Variants in MED11 observed in about 807,000 individuals in gnomAD.
MED11 encodes mediator of RNA polymerase II transcription subunit 11.
In MED11, 19 loss-of-function variants were observed where a neutral mutation model predicts 13.9. The ratio of observed to expected loss-of-function variants is 1.36; its 90% CI spans 0.95 to 2.00. The LOEUF is 2.00. Ranked by LOEUF, MED11 falls within the 30% of genes most tolerant of loss-of-function variation. The probability of loss-of-function intolerance (pLI) is 0.00; values close to 1 mark genes in which losing one functional copy is unlikely to be tolerated. For synonymous variants in MED11, 67 were observed against 62.1 expected (o/e 1.08, Z -0.37); for missense variants, 134 against 150.2 (o/e 0.89, Z 0.56).
Position 4,733,141 on chromosome 17 carries a change from A to G in MED11, c.308A>G (p.Lys103Arg). ...ALKRVDYARL[K>R]LSDVARTCEQ... ...AAGCGAGTGGACTATGCCCGCCTCAAGCTCAGTGATGTGGCTCGAACCTGT... is the reference window on the plus strand; with the variant it reads ...AAGCGAGTGGACTATGCCCGCCTCAGGCTCAGTGATGTGGCTCGAACCTGT... The change falls in exon 3 of 3, where the codon AAG becomes AGG. Residue 103 changes from lysine to arginine, a missense_variant. Physicochemically the swap from Lys to Arg is conservative, Grantham distance 26. Transcript: ENST00000293777. 1 of 1,614,206 alleles carries G rather than the reference A, an allele frequency of 6.2e-7. No individual in the cohort carries two copies. The highest frequency in any genetic ancestry group is 8.5e-7 in the Non-Finnish European group (1 of 1,180,030).
intron 1 of MED11, 86 bp downstream of exon 1, chr17:4,731,660 T>TG: frequency 1.2e-6 from 2 of 1,608,184 alleles, no homozygotes; most frequent in Admixed American, 1.7e-5. Flanking sequence ...GGAGCAGGGT[T>TG]GGGGAGGGAA....
Position 4,733,295 on chromosome 17 carries a change from T to C in MED11, c.*108T>C. On this transcript the variant is annotated 3_prime_UTR_variant, in exon 3 of 3. Transcript: ENST00000293777. The stretch of plus-strand genomic sequence containing the variant: ...TATGAGCACCAACATACCCTGCTGG[T>C]CAAAGTACCCTAGGACAAAGGGGCA... The C allele has an allele frequency of 7.2e-7, 1 of 1,385,492 alleles. No individual in the cohort carries two copies. The highest frequency in any genetic ancestry group is 2.1e-4 in the Middle Eastern group (1 of 4,718). 85.8% of individuals were successfully genotyped at this position (1,385,492 alleles called of 1,614,324 possible). A position where few individuals can be genotyped will look rare whatever the true frequency, so the allele number is the denominator to read the frequency against.
chr17:4,732,988 C>T, intron 2 of MED11, 62 bp from the exon 3 acceptor site: 1 of 1,573,748 alleles, frequency 6.4e-7, no homozygotes, highest in Non-Finnish European at 8.7e-7. Flanking sequence ...TGAGACGAGA[C>T]CTGATGCCTG....
Position 4,731,558 on chromosome 17 carries a change from C to T in MED11, c.69C>T (p.Ala23=). ...ALEDIEREIG[A]ILQNAGTVIL... ...AAGACATTGAACGGGAAATCGGCGC[C>T]ATCCTTCAGAATGCAGGTTCGGGAT... The change falls in exon 1 of 3, where the codon GCC becomes GCT. Residue 23 remains alanine (A), a synonymous_variant. Coordinates refer to ENST00000293777, the MANE Select transcript of MED11 (RefSeq NM_001001683.4). 1.2e-6 allele frequency: 2 copies of T among 1,614,180 alleles called. No individual in the cohort carries two copies. Among genetic ancestry groups the T allele is most frequent in the South Asian group, 2.2e-5 (2 of 91,074 alleles).
Position 4,731,835 on chromosome 17 carries a change from G to A in MED11, c.145G>A (p.Ala49Thr), listed in dbSNP as rs745722030. The A allele has an allele frequency of 2.9e-5, 47 of 1,613,998 alleles. No individual in the cohort carries two copies. The East Asian group carries it at 8.9e-4, about 31-fold the overall frequency. Residue 49 changes from alanine (A) to threonine (T), a missense_variant, in exon 2 of 3, where the codon GCG (alanine) becomes ACG (threonine). Coordinates refer to ENST00000293777, the MANE Select transcript of MED11 (RefSeq NM_001001683.4). ...KTNERLLDRQ[A>T]AAFTASVQHV... Reference sequence around the variant, plus strand: ...TAACGAGCGGCTCCTAGACCGGCAGGCGGCGGCCTTCACCGCTTCAGTGCA... The same window carrying A: ...TAACGAGCGGCTCCTAGACCGGCAGACGGCGGCCTTCACCGCTTCAGTGCA...
chr17:4,731,871 G>A lies in MED11; in HGVS notation c.181G>A (p.Ala61Thr), dbSNP rs1459631990. ...AFTASVQHVE[A>T]ELSAQIRYLT... ...CACCGCTTCAGTGCAACACGTGGAG[G>A]CGGAGCTGTCAGCTCAGATCCGCTA... Residue 61 changes from alanine to threonine, a missense_variant, in exon 2 of 3, where the codon GCG (alanine) becomes ACG (threonine). Coordinates refer to ENST00000293777, the MANE Select transcript of MED11 (RefSeq NM_001001683.4). 6.2e-7 allele frequency: 1 copy of A among 1,614,132 alleles called. No individual in the cohort carries two copies. Among genetic ancestry groups the A allele is most frequent in the South Asian group, 1.1e-5 (1 of 91,084 alleles).
rs760534273 is a variant in MED11, at chr17:4,733,094, G to A, written c.261G>A (p.Arg87=). The change falls in exon 3 of 3, where the codon AGG becomes AGA. Residue 87 remains arginine, a synonymous_variant. Coordinates refer to ENST00000293777, the MANE Select transcript of MED11 (RefSeq NM_001001683.4). ...QPHEGSSYSS[R]KDCQMALKRV... ...ATGAGGGCTCCAGCTACTCTTCGAGGAAGGACTGTCAGATGGCTCTGAAGC... is the reference window on the plus strand; with the variant it reads ...ATGAGGGCTCCAGCTACTCTTCGAGAAAGGACTGTCAGATGGCTCTGAAGC... 10 of 1,614,170 alleles carry A rather than the reference G, an allele frequency of 6.2e-6. No individual in the cohort carries two copies. The Admixed American group carries it at 1.7e-4, about 27-fold the overall frequency.
chr17:4,733,249 G>A lies in MED11; in HGVS notation c.*62G>A. 3.1e-6 allele frequency: 5 copies of A among 1,600,840 alleles called. No homozygotes were observed. Among genetic ancestry groups the A allele is most frequent in the Non-Finnish European group, 4.3e-6 (5 of 1,172,072 alleles). On this transcript the variant is annotated 3_prime_UTR_variant, in exon 3 of 3. Transcript: ENST00000293777. ...TCACCTGTGCCATGGGACAGAACCT[G>A]GGAACATGTAGGGTGGGGAGTATGA...
Position 4,731,814 on chromosome 17 carries a change from G to C in MED11, c.124G>C (p.Glu42Gln). Residue 42 changes from glutamate to glutamine, a missense_variant, in exon 2 of 3, where the codon GAG becomes CAG. By Grantham distance (29) the Glu-to-Gln change is conservative. Transcript: ENST00000293777. ...ILELSKEKTN[E>Q]RLLDRQAAAF... ...AGAATTGTCCAAGGAAAAAACTAAC[G>C]AGCGGCTCCTAGACCGGCAGGCGGC... 1 of 1,614,142 alleles carries C rather than the reference G, an allele frequency of 6.2e-7. No individual in the cohort carries two copies. Among genetic ancestry groups the C allele is most frequent in the Non-Finnish European group, 8.5e-7 (1 of 1,180,016 alleles).
intron 2 of MED11, 49 bp from the exon 3 acceptor site, chr17:4,733,001 T>G: frequency 6.3e-7 from 1 of 1,584,076 alleles, no homozygotes; most frequent in Non-Finnish European, 8.6e-7. Context: ...GATGCCTGGT[T>G]GGAGTTAGGG....
chr17:4,732,251 C>T (rs1221328704), intron 2 of MED11: 1 of 291,776 alleles, frequency 3.4e-6, no homozygotes, highest in Admixed American at 4.9e-5. Flanking sequence ...TGGTGAAACT[C>T]CGTCTCTACT....
intron 1 of MED11, 22 bp from the exon 2 acceptor site, chr17:4,731,754 C>A: frequency 1.9e-6 from 3 of 1,611,900 alleles, no homozygotes; most frequent in Non-Finnish European, 2.5e-6. Flanking sequence ...CGTGTGTCCC[C>A]GCCCTCTCTC....
chr17:4,732,794 C>T, intron 2 of MED11: 2 of 502,094 alleles, frequency 4.0e-6, no homozygotes, highest in Non-Finnish European at 3.5e-6. Context: ...GAAATCGTCG[C>T]AGGGACCACT....
intron 2 of MED11, among the ~76,000 whole-genome samples, chr17:4,732,719 A>T (rs1446257147): frequency 6.6e-6 from 1 of 152,126 alleles, no homozygotes; most frequent in Non-Finnish European, 1.5e-5. Context: ...ACTTGGCCTG[A>T]CCTCCAGGCC....
rs767339860 is a variant in MED11, at chr17:4,733,100, C to CT, written c.268dup (p.Cys90LeufsTer17). On this transcript the variant is annotated frameshift_variant, in exon 3 of 3. Transcript: ENST00000293777. LOFTEE classifies it high-confidence loss of function. ...GCTCCAGCTACTCTTCGAGGAAGGA[C>CT]TGTCAGATGGCTCTGAAGCGAGTGG... is the stretch of plus-strand genomic sequence containing the variant. 3.7e-6 allele frequency: 6 copies of CT among 1,614,164 alleles called. No individual in the cohort carries two copies. Among genetic ancestry groups the CT allele is most frequent in the Non-Finnish European group, 5.1e-6 (6 of 1,180,032 alleles).
Position 4,733,128 on chromosome 17 carries a change from T to C in MED11, c.295T>C (p.Tyr99His). The C allele has an allele frequency of 1.2e-6, 2 of 1,614,148 alleles. No homozygotes were observed. The highest frequency in any genetic ancestry group is 1.7e-6 in the Non-Finnish European group (2 of 1,180,020). The stretch of plus-strand genomic sequence containing the variant: ...TCAGATGGCTCTGAAGCGAGTGGAC[T>C]ATGCCCGCCTCAAGCTCAGTGATGT... Reference protein sequence around the residue: ...DCQMALKRVDYARLKLSDVAR... With the variant: ...DCQMALKRVDHARLKLSDVAR... The change falls in exon 3 of 3, where the codon TAT (tyrosine) becomes CAT (histidine). Residue 99 changes from tyrosine (Y) to histidine (H), a missense_variant. Physicochemically the swap from Tyr to His is moderately conservative, Grantham distance 83. Coordinates refer to ENST00000293777, the MANE Select transcript of MED11 (RefSeq NM_001001683.4).
At chr17:4,732,061 C>T (rs371093493) in intron 2 of MED11, 155 bp downstream of exon 2, 427 of 846,680 alleles carry the variant, frequency 5.0e-4, no homozygotes, top group Admixed American at 1.3e-3. Context: ...AAGAATGGGC[C>T]GGGCGCAGTG....
Position 4,733,426 on chromosome 17 carries a change from C to G in MED11, c.*239C>G, listed in dbSNP as rs1916052401. 4.4e-6 allele frequency: 2 copies of G among 458,416 alleles called. No homozygotes were observed. Among genetic ancestry groups the G allele is most frequent in the Non-Finnish European group, 7.8e-6 (2 of 255,614 alleles). The allele number at this position is 458,416 out of a possible 1,614,324, so 28.4% of individuals were successfully genotyped here. On this transcript the variant is annotated 3_prime_UTR_variant, in exon 3 of 3. Coordinates refer to ENST00000293777, the MANE Select transcript of MED11 (RefSeq NM_001001683.4). Reference sequence around the variant, plus strand: ...CACTCCAGAAACACCCTGACAGGCTCAGAGAGGAGATGGAAACTGACATAC... The same window carrying G: ...CACTCCAGAAACACCCTGACAGGCTGAGAGAGGAGATGGAAACTGACATAC...
rs186112554 is a variant in MED11, at chr17:4,733,082, C to T, written c.249C>T (p.Ser83=). 96 of 1,614,176 alleles carry T rather than the reference C, an allele frequency of 5.9e-5. No individual in the cohort carries two copies. In the East Asian group the frequency reaches 2.0e-3, roughly 34 times the overall value. ...CAGGGCAGCCCCATGAGGGCTCCAG[C>T]TACTCTTCGAGGAAGGACTGTCAGA... The part of the protein sequence containing the change: ...VATGQPHEGS[S]YSSRKDCQMA... The change falls in exon 3 of 3, where the codon AGC becomes AGT. Residue 83 remains serine, a synonymous_variant. Transcript: ENST00000293777.
Sources: gnomAD v4.1 joint callset for allele counts (sites outside exome capture counted in the v4.1 genomes callset) on GRCh38, gnomAD v4.1.1 for gene constraint, MANE v1.5 for transcripts, NCBI Gene and HGNC (gene_info 2026-07-23, HGNC 2026-07-21) for gene names.